Variants in SORCS2 observed in about 807,000 individuals in gnomAD.
The protein encoded by SORCS2 is VPS10 domain-containing receptor SorCS2.
Under a neutral mutation model 141.6 loss-of-function variants are expected in SORCS2, and 100 were observed. That is an observed-to-expected ratio of 0.71 (90% CI 0.60 to 0.83). The LOEUF is 0.83. SORCS2 is among the 40% of genes least tolerant of loss of function. The pLI, the probability that SORCS2 is intolerant of heterozygous loss-of-function variation, is 0.00. For missense variants in SORCS2, 1,646 were observed against 1,560.2 expected (o/e 1.05, Z -0.93); for synonymous variants, 789 against 676.9 (o/e 1.17, Z -2.57).
chr4:7,725,282 C>T lies in SORCS2; in HGVS notation c.2740C>T (p.Leu914=). Residue 914 remains leucine, a synonymous_variant, in exon 20 of 27, where the codon CTG becomes TTG. Transcript: ENST00000507866. ...TVFYWWIGHS[L]QPLLSLDNSV... ...CTTCTACTGGTGGATCGGCCACAGC[C>T]TGCAGGTGCGCTGGCTTTGCCCCAA... 6.2e-7 allele frequency: 1 copy of T among 1,612,830 alleles called. No homozygotes were observed. The highest frequency in any genetic ancestry group is 8.5e-7 in the Non-Finnish European group (1 of 1,179,374).
At chr4:7,383,580 A>C (rs976288268) in intron 1 of SORCS2, among the ~76,000 whole-genome samples, 4 of 151,940 alleles carry the variant, frequency 2.6e-5, no homozygotes, top group Non-Finnish European at 5.9e-5. Flanking sequence ...ATTTCCACCC[A>C]CCTCCCGGAG....
intron 3 of SORCS2, among the ~76,000 whole-genome samples, chr4:7,602,277 C>T (rs952801783): frequency 2.0e-5 from 3 of 149,606 alleles, no homozygotes; most frequent in South Asian, 2.1e-4. Flanking sequence ...CCCTCCCGGA[C>T]GGGGTGGCTG....
At chr4:7,697,827 G>A (rs1724809336) in intron 12 of SORCS2, among the ~76,000 whole-genome samples, 1 of 152,174 alleles carries the variant, frequency 6.6e-6, no homozygotes, top group African/African-American at 2.4e-5. Flanking sequence ...CTATCCCAGG[G>A]CCCGAGAAGA....
At chr4:7,368,755 C>T (rs1228833642) in intron 1 of SORCS2, among the ~76,000 whole-genome samples, 1 of 152,174 alleles carries the variant, frequency 6.6e-6, no homozygotes, top group Non-Finnish European at 1.5e-5. Context: ...TGTGGTTTGG[C>T]TGTGTCCCCA....
At chr4:7,678,878 T>C (rs1244935361) in intron 9 of SORCS2, among the ~76,000 whole-genome samples, 1 of 152,228 alleles carries the variant, frequency 6.6e-6, no homozygotes, top group Non-Finnish European at 1.5e-5. Flanking sequence ...TTAACCTCTC[T>C]GGGCTTCCCT....
At position 7,651,121 on chromosome 4, in the gene SORCS2, C is replaced by A. The variant is rs1263030440; in HGVS notation, c.814-3013C>A. Reference sequence around the variant, plus strand: ...CATCACCTAGGAGTTAGGGATGAAACATATTGAAATGCAAATGAACACCGA... The same window carrying A: ...CATCACCTAGGAGTTAGGGATGAAAAATATTGAAATGCAAATGAACACCGA... On this transcript the variant is annotated intron_variant, in intron 4 of 26. Transcript: ENST00000507866. 2.0e-5 allele frequency among the ~76,000 whole-genome samples: 3 copies of A among 152,284 alleles called. No individual in the cohort carries two copies. The East Asian group carries it at 5.8e-4, about 29-fold the overall frequency.
At chr4:7,330,292 G>A (rs923165766) in intron 1 of SORCS2, among the ~76,000 whole-genome samples, 4 of 152,048 alleles carry the variant, frequency 2.6e-5, no homozygotes, top group East Asian at 1.9e-4. Flanking sequence ...GTGAGGCGAC[G>A]TTCCCAGGTT....
chr4:7,573,054 G>C (rs192463400), intron 3 of SORCS2, among the ~76,000 whole-genome samples: 1 of 152,186 alleles, frequency 6.6e-6, no homozygotes, highest in Non-Finnish European at 1.5e-5. Context: ...GACAAGCTGC[G>C]TGTGTTGCTG....
chr4:7,709,152 T>A (rs754214243), intron 14 of SORCS2, among the ~76,000 whole-genome samples: 4 of 152,172 alleles, frequency 2.6e-5, no homozygotes, highest in Non-Finnish European at 5.9e-5. Flanking sequence ...GGGCCTTTCA[T>A]GTGGTCAAGC....
intron 1 of SORCS2, among the ~76,000 whole-genome samples, chr4:7,385,461 G>A (rs1417321702): frequency 6.6e-6 from 1 of 152,170 alleles, no homozygotes; most frequent in Non-Finnish European, 1.5e-5. Context: ...TCTTTCATGC[G>A]GGCTGGAGAG....
At chr4:7,681,877 G>A (rs954817506) in intron 9 of SORCS2, among the ~76,000 whole-genome samples, 1 of 152,206 alleles carries the variant, frequency 6.6e-6, no homozygotes, top group Admixed American at 6.5e-5. Context: ...TTCCCATGGT[G>A]CATGCTGCAT....
At chr4:7,415,270 C>T (rs1725590434) in intron 2 of SORCS2, among the ~76,000 whole-genome samples, 1 of 152,336 alleles carries the variant, frequency 6.6e-6, no homozygotes, top group African/African-American at 2.4e-5. Context: ...CAACCAGGTC[C>T]TACTGGGCTC....
In SORCS2 at chr4:7,638,399, C is replaced by A. The variant is rs766354670; in HGVS notation, c.720C>A (p.Thr240=). ...SLFLSADEGA[T]FQKQPIPFFV... ...TCCTCAGCGCAGACGAAGGCGCCAC[C>A]TTTCAGAAGCAGCCCATTCCCTTCT... Residue 240 remains threonine, a synonymous_variant, in exon 4 of 27, where the codon ACC becomes ACA. Coordinates refer to ENST00000507866, the MANE Select transcript of SORCS2 (RefSeq NM_020777.3). 4 of 1,587,388 alleles carry A rather than the reference C, an allele frequency of 2.5e-6. No individual in the cohort carries two copies. Among genetic ancestry groups the A allele is most frequent in the Non-Finnish European group, 3.4e-6 (4 of 1,169,734 alleles).
At chr4:7,446,804 C>T (rs909341097) in intron 2 of SORCS2, among the ~76,000 whole-genome samples, 4 of 152,210 alleles carry the variant, frequency 2.6e-5, no homozygotes, top group Non-Finnish European at 4.4e-5. Flanking sequence ...GGGGAAACCC[C>T]GGGACATGGA....
At chr4:7,290,050 C>T (rs1167729460) in intron 1 of SORCS2, among the ~76,000 whole-genome samples, 1 of 152,160 alleles carries the variant, frequency 6.6e-6, no homozygotes, top group Non-Finnish European at 1.5e-5. Flanking sequence ...GAGACCTTTG[C>T]TGCCTCTGAG....
chr4:7,375,432 C>T (rs111643120), intron 1 of SORCS2, among the ~76,000 whole-genome samples: 34 of 152,304 alleles, frequency 2.2e-4, no homozygotes, highest in African/African-American at 7.5e-4. Flanking sequence ...GGCCTTGCAG[C>T]GTTGCGGGGC....
At position 7,318,390 on chromosome 4, in the gene SORCS2, G is replaced by C. The variant is rs549509864; in HGVS notation, c.481-77898G>C. ...GCACCATACTGGATGCCAGATACTT[G>C]ATAGGGAACCCCATCCTGCCCTCAG... On this transcript the variant is annotated intron_variant, in intron 1 of 26. Transcript: ENST00000507866. 1.8e-4 allele frequency among the ~76,000 whole-genome samples: 27 copies of C among 152,250 alleles called. No homozygotes were observed. The South Asian group carries it at 4.8e-3, about 27-fold the overall frequency.
intron 1 of SORCS2, among the ~76,000 whole-genome samples, chr4:7,389,358 G>A (rs901762021): frequency 1.3e-5 from 2 of 152,070 alleles, no homozygotes; most frequent in Non-Finnish European, 2.9e-5. Flanking sequence ...CCTGAGTGAC[G>A]TGACCCGTAC....
intron 2 of SORCS2, among the ~76,000 whole-genome samples, chr4:7,475,551 TC>T (rs1560315385): frequency 6.6e-6 from 1 of 152,190 alleles, no homozygotes; most frequent in Admixed American, 6.5e-5. Flanking sequence ...GCTGCCCCCC[TC>T]CTGCCACTTG....
Sources: gnomAD v4.1 joint callset for allele counts (sites outside exome capture counted in the v4.1 genomes callset) on GRCh38, gnomAD v4.1.1 for gene constraint, MANE v1.5 for transcripts, NCBI Gene and HGNC (gene_info 2026-07-23, HGNC 2026-07-21) for gene names.